The following CERS1 variants were observed in gnomAD, a reference collection of about 807,000 sequenced individuals.
CERS1 encodes the protein Embryonic growth/differentiation factor 1.
In CERS1, 16 loss-of-function variants were observed where a neutral mutation model predicts 35.7. The observed-to-expected ratio is 0.45, with a 90% CI of 0.30 to 0.68. CERS1 has a LOEUF of 0.68. CERS1 is among the 30% of genes least tolerant of loss of function. CERS1 has a pLI of 0.08. For synonymous variants in CERS1, 243 were observed against 201.6 expected, an observed-to-expected ratio of 1.21 and a Z score of -1.74; for missense variants, 454 against 453.9, an observed-to-expected ratio of 1.00 and a Z score of 0.00.
rs766263986 is a variant in CERS1 at position 18,868,597 on chromosome 19, T to TTAGCGGCAGC, written c.*1378_*1387dup. ...GGCCCGCGTCCCTGCCCGCCCCGGG[T>TTAGCGGCAGC]TAGCGGCAGCCGCACTCGTCCACCA... On this transcript the variant is annotated 3_prime_UTR_variant, in exon 8 of 8. Transcript: ENST00000623882. 14 of 1,554,500 alleles carry TTAGCGGCAGC rather than the reference T, an allele frequency of 9.0e-6. No individual in the cohort carries two copies. In the South Asian group the frequency reaches 1.7e-4, roughly 18 times the overall value.
intron 2 of CERS1, among the ~76,000 whole-genome samples, chr19:18,884,995 C>T (rs755001389): frequency 6.6e-6 from 1 of 151,530 alleles, no homozygotes; most frequent in African/African-American, 2.4e-5. Context: ...GGATTACAGG[C>T]GTGAGCCACC....
At position 18,868,807 on chromosome 19, in the gene CERS1, G is replaced by T. The variant is rs1172241719; in HGVS notation, c.*1178C>A. The T allele has an allele frequency of 4.8e-6, 7 of 1,456,050 alleles. No individual in the cohort carries two copies. Among genetic ancestry groups the T allele is most frequent in the Non-Finnish European group, 6.4e-6 (7 of 1,094,014 alleles). 90.2% of individuals were successfully genotyped at this position (1,456,050 alleles called of 1,614,324 possible). Reference sequence around the variant, plus strand: ...GCCCCCCGGACCCCGACAGCGCGACGGGCAGCGCGCACTGACCCTGGCAGT... The same window carrying T: ...GCCCCCCGGACCCCGACAGCGCGACTGGCAGCGCGCACTGACCCTGGCAGT... On this transcript the variant is annotated 3_prime_UTR_variant, in exon 8 of 8. Transcript: ENST00000623882.
At chr19:18,879,208 C>A in intron 5 of CERS1, 33 bp downstream of exon 5, 1 of 1,612,218 alleles carries the variant, frequency 6.2e-7, no homozygotes, top group Non-Finnish European at 8.5e-7. Context: ...AGGACGGGAC[C>A]GCCACTGTGG....
chr19:18,878,781 T>G lies in CERS1; in HGVS notation c.1010+149A>C. On this transcript the variant is annotated intron_variant, in intron 6 of 7. Coordinates refer to ENST00000623882, the MANE Select transcript of CERS1 (RefSeq NM_021267.5). This position sits in a 1 kb window ranked among gnomAD's most constrained non-coding sequence, Gnocchi z 4.6. ...GGTACTGGCCACATCGTCCACGCCT[T>G]TATTGCAGTCTCTGTTTTGGAGTAG... 1 of 1,456,262 alleles carries G rather than the reference T, an allele frequency of 6.9e-7. No homozygotes were observed. The highest frequency in any genetic ancestry group is 1.4e-5 in the South Asian group (1 of 72,408). 90.2% of individuals were successfully genotyped at this position (1,456,262 alleles called of 1,614,324 possible). A position where few individuals can be genotyped will look rare whatever the true frequency, so the allele number is the denominator to read the frequency against.
chr19:18,886,257 A>C, intron 2 of CERS1, among the ~76,000 whole-genome samples: 1 of 149,842 alleles, frequency 6.7e-6, no homozygotes, highest in South Asian at 2.1e-4. Flanking sequence ...AAATATATAA[A>C]AATTAGCTGG....
intron 7 of CERS1, 139 bp downstream of exon 7, chr19:18,869,844 G>T: frequency 1.3e-6 from 1 of 782,322 alleles, no homozygotes. Flanking sequence ...GGTGAGGTGC[G>T]GTGGCCGAAG....
Position 18,868,606 on chromosome 19 carries a change from G to T in CERS1, c.*1379C>A, listed in dbSNP as rs964651735. The T allele has an allele frequency of 5.8e-6, 9 of 1,559,454 alleles. No homozygotes were observed. The African/African-American group carries it at 1.2e-4, about 21-fold the overall frequency. ...CCCTGCCCGCCCCGGGTTAGCGGCA[G>T]CCGCACTCGTCCACCACCATGTCCT... On this transcript the variant is annotated 3_prime_UTR_variant, in exon 8 of 8. Coordinates refer to ENST00000623882, the MANE Select transcript of CERS1 (RefSeq NM_021267.5).
intron 1 of CERS1, among the ~76,000 whole-genome samples, chr19:18,893,964 AAC>A (rs1179129015): frequency 1.3e-5 from 2 of 151,978 alleles, no homozygotes; most frequent in East Asian, 1.9e-4. Context: ...CATCTTGGGA[AAC>A]ACAGAGAGCC....
chr19:18,892,204 T>C (rs995964245), intron 2 of CERS1, among the ~76,000 whole-genome samples: 2 of 151,496 alleles, frequency 1.3e-5, no homozygotes, highest in African/African-American at 2.4e-5. Flanking sequence ...GGCTTCATCA[T>C]GTTTATCTCC....
At chr19:18,881,045 C>A (rs1241835986) in intron 3 of CERS1, among the ~76,000 whole-genome samples, 1 of 151,804 alleles carries the variant, frequency 6.6e-6, no homozygotes, top group Non-Finnish European at 1.5e-5. Flanking sequence ...ACCTCTGACC[C>A]TCTATGACCC....
intron 3 of CERS1, among the ~76,000 whole-genome samples, chr19:18,883,571 A>G (rs1206301249): frequency 2.0e-5 from 3 of 152,100 alleles, no homozygotes; most frequent in African/African-American, 7.2e-5. Context: ...GGTGGATAAG[A>G]TATTTTCACT....
Position 18,870,343 on chromosome 19 carries a change from T to C in CERS1, c.*234A>G, listed in dbSNP as rs1448087387. 1 of 1,540,580 alleles carries C rather than the reference T, an allele frequency of 6.5e-7. No homozygotes were observed. The highest frequency in any genetic ancestry group is 8.7e-7 in the Non-Finnish European group (1 of 1,145,196). ...GGCGATGACCAGAGAGTGCGCAGGGTCCGCGGCGGCCCGGGACCAGTGGGC... is the reference window on the plus strand; with the variant it reads ...GGCGATGACCAGAGAGTGCGCAGGGCCCGCGGCGGCCCGGGACCAGTGGGC... On this transcript the variant is annotated 3_prime_UTR_variant, in exon 7 of 8. Transcript: ENST00000623882. The surrounding 1 kb of genome is among the most constrained non-coding windows in gnomAD (Gnocchi z 5.1).
chr19:18,875,160 C>T (rs1241972564), intron 6 of CERS1, among the ~76,000 whole-genome samples: 1 of 151,308 alleles, frequency 6.6e-6, no homozygotes. Context: ...CACTTAAGCC[C>T]AGGAGGTTGA....
Position 18,895,323 on chromosome 19 carries a change from G to C in CERS1, c.249+501C>G. ...CGGGCAGCGGACCTCGCTCCGGGCC[G>C]GGGCGCAGCCCGCATGGCAGGGAGG... On this transcript the variant is annotated intron_variant, in intron 1 of 7. Transcript: ENST00000623882. The surrounding 1 kb of genome is among the most constrained non-coding windows in gnomAD (Gnocchi z 6.4). 6.6e-6 allele frequency among the ~76,000 whole-genome samples: 1 copy of C among 152,208 alleles called. No homozygotes were observed. The highest frequency in any genetic ancestry group is 1.5e-5 in the Non-Finnish European group (1 of 68,032).
chr19:18,876,049 C>A (rs150526080), intron 6 of CERS1, among the ~76,000 whole-genome samples: 1 of 152,226 alleles, frequency 6.6e-6, no homozygotes, highest in Non-Finnish European at 1.5e-5. Flanking sequence ...ACATTCAATG[C>A]CTTTTTTTCA....
intron 6 of CERS1, among the ~76,000 whole-genome samples, chr19:18,876,507 GT>G (rs1305837852): frequency 1.3e-5 from 2 of 149,088 alleles, no homozygotes; most frequent in South Asian, 4.3e-4. Context: ...ACACATGGCT[GT>G]TTTTTGTTTT....
At chr19:18,876,806 G>A (rs1030686576) in intron 6 of CERS1, among the ~76,000 whole-genome samples, 56 of 152,188 alleles carry the variant, frequency 3.7e-4, no homozygotes, top group Non-Finnish European at 1.5e-4. Context: ...TGGCACATGG[G>A]TTGCAGCTAA....
chr19:18,870,227 G>C lies in CERS1; in HGVS notation c.*350C>G, dbSNP rs1217699617. On this transcript the variant is annotated 3_prime_UTR_variant, in exon 7 of 8. Coordinates refer to ENST00000623882, the MANE Select transcript of CERS1 (RefSeq NM_021267.5). The surrounding 1 kb of genome is among the most constrained non-coding windows in gnomAD (Gnocchi z 5.1). The stretch of plus-strand genomic sequence containing the variant: ...CTGGGCCTGGGGGCACGGGGGCGCG[G>C]GTCAGGGGCAGCGAGGGCAGCAGCA... 1 of 1,556,054 alleles carries C rather than the reference G, an allele frequency of 6.4e-7. No individual in the cohort carries two copies. The highest frequency in any genetic ancestry group is 1.9e-5 in the Admixed American group (1 of 51,618).
intron 2 of CERS1, 35 bp from the exon 3 acceptor site, chr19:18,884,302 C>G (rs369417134): frequency 3.2e-6 from 5 of 1,579,170 alleles, no homozygotes; most frequent in African/African-American, 1.3e-5. Flanking sequence ...CAGGGCCCTG[C>G]GAAGCCTCTA....
Sources: allele counts gnomAD v4.1 joint callset (sites outside exome capture counted in the v4.1 genomes callset), GRCh38; gene constraint gnomAD v4.1.1; non-coding constraint Gnocchi (gnomAD v3.1); transcripts MANE v1.5; gene names NCBI Gene and HGNC (gene_info 2026-07-23, HGNC 2026-07-21).